MED10: variants seen among roughly 807,000 people sequenced by gnomAD.
The protein encoded by MED10 is mediator complex subunit 10.
Under a neutral mutation model 17.2 loss-of-function variants are expected in MED10, and 9 were observed. That is an observed-to-expected ratio of 0.52 (90% confidence interval 0.31 to 0.91). The LOEUF is 0.91. Ranked by LOEUF, MED10 falls within the 40% of genes least tolerant of loss-of-function variation. The probability of loss-of-function intolerance (pLI) is 0.04; values close to 1 mark genes in which losing one functional copy is unlikely to be tolerated. For synonymous variants in MED10, 66 were observed against 59.8 expected (o/e 1.10, Z -0.48); for missense variants, 129 against 164.8 (o/e 0.78, Z 1.19).
At chr5:6,377,371 G>T in intron 1 of MED10, 122 bp from the exon 2 acceptor site, 2 of 581,434 alleles carry the variant, frequency 3.4e-6, no homozygotes, top group Non-Finnish European at 6.0e-6. Flanking sequence ...AGCTATGCGG[G>T]TTACACACGG....
intron 2 of MED10, chr5:6,376,889 T>C (rs1444124283): frequency 3.9e-6 from 1 of 255,838 alleles, no homozygotes; most frequent in Non-Finnish European, 7.3e-6. Flanking sequence ...GTATTTCATA[T>C]ATTTAATAAG....
intron 1 of MED10, 79 bp from the exon 2 acceptor site, chr5:6,377,328 AAC>A: frequency 9.8e-7 from 1 of 1,023,812 alleles, no homozygotes; most frequent in Non-Finnish European, 1.5e-6. Flanking sequence ...CTACCCAGCC[AAC>A]CGGGGCTCCA....
chr5:6,374,606 T>A, intron 2 of MED10, 180 bp from the exon 3 acceptor site: 1 of 555,056 alleles, frequency 1.8e-6, no homozygotes, highest in Non-Finnish European at 3.3e-6. Context: ...GTACAGATCA[T>A]CTGATTTCAT....
chr5:6,374,187 A>G, intron 3 of MED10, 137 bp downstream of exon 3: 2 of 638,094 alleles, frequency 3.1e-6, no homozygotes, highest in Non-Finnish European at 5.7e-6. Flanking sequence ...TGCCTATTAC[A>G]CAATTCAGAA....
intron 3 of MED10, among the ~76,000 whole-genome samples, chr5:6,373,590 A>C (rs751404423): frequency 6.6e-6 from 1 of 152,114 alleles, no homozygotes; most frequent in East Asian, 1.9e-4. Flanking sequence ...ACACGAACGA[A>C]AGGGTTGGAT....
At chr5:6,377,602 TC>T (rs1738023614) in intron 1 of MED10, among the ~76,000 whole-genome samples, 2 of 152,182 alleles carry the variant, frequency 1.3e-5, no homozygotes, top group Non-Finnish European at 2.9e-5. Flanking sequence ...CGGACTATAC[TC>T]AAAGTCTGAG....
rs775786804 is a variant in MED10, at chr5:6,372,577, C to A, written c.334G>T (p.Glu112Ter). 1 of 1,614,088 alleles carries A rather than the reference C, an allele frequency of 6.2e-7. No individual in the cohort carries two copies. The change falls in exon 4 of 4, where the codon GAA (glutamate) becomes TAA (stop). Residue 112 changes from glutamate to a stop codon, truncating the protein, a stop_gained. Coordinates refer to ENST00000255764, the MANE Select transcript of MED10 (RefSeq NM_032286.3). LOFTEE classifies it high-confidence loss of function. ...MKKFKSLLIQ[E>*]LSKVFPEDMA... is the part of the protein sequence containing the mutation. ...TCTTCCGGAAATACTTTAGAAAGTT[C>A]TTGAATCAACAGGCTTTTAAATTTC...
chr5:6,377,850 A>G (rs886131634), intron 1 of MED10, among the ~76,000 whole-genome samples: 4 of 152,238 alleles, frequency 2.6e-5, no homozygotes, highest in Non-Finnish European at 5.9e-5. Flanking sequence ...AATAATAATA[A>G]TAAACGTTCT....
Position 6,377,164 on chromosome 5 carries a change from ACTCAAAAACTTCT to A in MED10, c.195_206+1del. 1 of 1,592,062 alleles carries A rather than the reference ACTCAAAAACTTCT, an allele frequency of 6.3e-7. No individual in the cohort carries two copies. The highest frequency in any genetic ancestry group is 1.1e-5 in the South Asian group (1 of 88,748). ...AAGACTAATATCAAGAATGTTACTT[ACTCAAAAACTTCT>A]AACGGTACAGTAATATCATGAAGCT... is the stretch of plus-strand genomic sequence containing the variant. On this transcript the variant is annotated splice_donor_variant and coding_sequence_variant, in exon 2 of 4. Transcript: ENST00000255764. LOFTEE classifies it high-confidence loss of function.
intron 2 of MED10, among the ~76,000 whole-genome samples, chr5:6,376,166 A>T (rs1737984007): frequency 6.6e-6 from 1 of 152,228 alleles, no homozygotes; most frequent in South Asian, 2.1e-4. Flanking sequence ...AGTCATCAGC[A>T]GGTGAACAGA....
intron 2 of MED10, among the ~76,000 whole-genome samples, chr5:6,375,088 A>G (rs1274203460): frequency 1.3e-5 from 2 of 152,190 alleles, no homozygotes; most frequent in East Asian, 3.8e-4. Context: ...CATTCTGGCC[A>G]ATTATTTCTA....
intron 1 of MED10, 129 bp downstream of exon 1, chr5:6,378,233 A>G (rs1738040784): frequency 1.5e-6 from 2 of 1,315,886 alleles, no homozygotes; most frequent in African/African-American, 3.0e-5. Flanking sequence ...CTCCGGGACC[A>G]GACCAGAGGG....
intron 1 of MED10, among the ~76,000 whole-genome samples, chr5:6,377,721 T>C (rs1366157057): frequency 1.3e-5 from 2 of 152,186 alleles, no homozygotes; most frequent in Non-Finnish European, 2.9e-5. Flanking sequence ...GAACCTCGAG[T>C]GCAACATTTT....
intron 1 of MED10, 44 bp from the exon 2 acceptor site, chr5:6,377,293 G>T: frequency 6.8e-7 from 1 of 1,468,160 alleles, no homozygotes; most frequent in South Asian, 1.2e-5. Flanking sequence ...AATTTCGCTT[G>T]ACAGCATAAG....
intron 3 of MED10, among the ~76,000 whole-genome samples, chr5:6,373,010 GCACTGGCTCTGAAGGTGA>G (rs1412511981): frequency 6.6e-6 from 1 of 152,346 alleles, no homozygotes; most frequent in African/African-American, 2.4e-5. Context: ...GATAAGGAGT[GCACTGGCTCTGAAGGTGA>G]CGCTGGACTC....
Position 6,372,519 on chromosome 5 carries a change from T to A in MED10, c.392A>T (p.Asp131Val). 2 of 1,614,038 alleles carry A rather than the reference T, an allele frequency of 1.2e-6. No individual in the cohort carries two copies. The highest frequency in any genetic ancestry group is 8.5e-7 in the Non-Finnish European group (1 of 1,179,928). Reference sequence around the variant, plus strand: ...GTGAGCTGGTTAAGAAGGCGGGTGATCCTCCCCCCGGATGCTTCGATACTT... The same window carrying A: ...GTGAGCTGGTTAAGAAGGCGGGTGAACCTCCCCCCGGATGCTTCGATACTT... ...MAKYRSIRGE[D>V]HPPS Residue 131 changes from aspartate (D) to valine (V), a missense_variant, in exon 4 of 4, where the codon GAT becomes GTT. Coordinates refer to ENST00000255764, the MANE Select transcript of MED10 (RefSeq NM_032286.3).
chr5:6,377,259 A>C lies in MED10; in HGVS notation c.123-10T>G, dbSNP rs1404843307. 2 of 1,601,402 alleles carry C rather than the reference A, an allele frequency of 1.2e-6. No individual in the cohort carries two copies. Among genetic ancestry groups the C allele is most frequent in the Non-Finnish European group, 1.7e-6 (2 of 1,171,360 alleles). ...AGTAACAATAAAATTCCTGGGGGAA[A>C]GGCAAACACACAGGCATCTGGTTAA... On this transcript the variant is annotated splice_polypyrimidine_tract_variant and intron_variant, in intron 1 of 3. Transcript: ENST00000255764.
chr5:6,372,236 C>A lies in MED10; in HGVS notation c.*267G>T. 1 of 415,558 alleles carries A rather than the reference C, an allele frequency of 2.4e-6. No homozygotes were observed. Among genetic ancestry groups the A allele is most frequent in the Non-Finnish European group, 4.3e-6 (1 of 234,368 alleles). The allele number at this position is 415,558 out of a possible 1,614,324, so 25.7% of individuals were successfully genotyped here. On this transcript the variant is annotated 3_prime_UTR_variant, in exon 4 of 4. Transcript: ENST00000255764. ...ACTATTTTCCTGCGCCTCATCTGCC[C>A]TCAGAGAGAATGATCCCCACAGTGA... is the stretch of plus-strand genomic sequence containing the variant.
chr5:6,372,768 A>G (rs191278155), intron 3 of MED10, among the ~76,000 whole-genome samples, 167 bp from the exon 4 acceptor site: 1 of 152,290 alleles, frequency 6.6e-6, no homozygotes, highest in African/African-American at 2.4e-5. Flanking sequence ...ACCAATAGCA[A>G]CATATGCAAA....
Sources: gnomAD v4.1 joint callset for allele counts (sites outside exome capture counted in the v4.1 genomes callset) on GRCh38, gnomAD v4.1.1 for gene constraint, MANE v1.5 for transcripts, NCBI Gene and HGNC (gene_info 2026-07-23, HGNC 2026-07-21) for gene names.